ELP4: variants seen among roughly 807,000 people sequenced by gnomAD.
The protein encoded by ELP4 is elongator acetyltransferase complex subunit 4.
In ELP4, 51 loss-of-function variants were observed where a neutral mutation model predicts 48.9. The ratio of observed to expected loss-of-function variants is 1.04; its 90% confidence interval spans 0.83 to 1.32. The LOEUF is 1.32. Among genes scored for constraint, ELP4 ranks in the 40% most tolerant of loss-of-function variants. The pLI, the probability that ELP4 is intolerant of heterozygous loss-of-function variation, is 0.00. For missense variants in ELP4, 519 were observed against 514.6 expected, an observed-to-expected ratio of 1.01 and a Z score of -0.08; for synonymous variants, 210 against 189.2, an observed-to-expected ratio of 1.11 and a Z score of -0.90.
At chr11:31,647,637 C>G (rs1945230222) in intron 7 of ELP4, 104 bp from the exon 8 acceptor site, 2 of 691,880 alleles carry the variant, frequency 2.9e-6, no homozygotes, top group South Asian at 3.7e-5. Context: ...TGTTGATAGT[C>G]TATCTCCACT....
At position 31,787,017 on chromosome 11, in the gene ELP4, C is replaced by T. The variant is rs372093736; in HGVS notation, c.*3493C>T. 4 of 174,960 alleles carry T rather than the reference C, an allele frequency of 2.3e-5. No individual in the cohort carries two copies. The highest frequency in any genetic ancestry group is 4.2e-5 in the Non-Finnish European group (4 of 95,482). The allele number at this position is 174,960 out of a possible 1,614,324, so 10.8% of individuals were successfully genotyped here. ...TTGATAAATATATAAATATATGTAT[C>T]GTTAAATAAATAATAAACAAAAATT... On this transcript the variant is annotated 3_prime_UTR_variant, in exon 10 of 10. Transcript: ENST00000640961.
At chr11:31,589,783 A>G (rs1359605503) in intron 3 of ELP4, among the ~76,000 whole-genome samples, 1 of 152,214 alleles carries the variant, frequency 6.6e-6, no homozygotes, top group Non-Finnish European at 1.5e-5. Flanking sequence ...GTTTATTAAA[A>G]TGGAGTCTTT....
chr11:31,735,737 A>G (rs939638253), intron 9 of ELP4, among the ~76,000 whole-genome samples: 10 of 152,210 alleles, frequency 6.6e-5, no homozygotes, highest in Non-Finnish European at 1.2e-4. Flanking sequence ...TGCTTCAAAG[A>G]GAATAAAATA....
chr11:31,622,033 G>A (rs1436412225), intron 5 of ELP4, among the ~76,000 whole-genome samples: 2 of 151,718 alleles, frequency 1.3e-5, no homozygotes, highest in African/African-American at 4.8e-5. Context: ...AACCTCACAA[G>A]GTTATTCTAT....
intron 9 of ELP4, among the ~76,000 whole-genome samples, chr11:31,657,285 T>G (rs567104295): frequency 6.6e-6 from 1 of 152,192 alleles, no homozygotes; most frequent in Admixed American, 6.6e-5. Flanking sequence ...GGATTGTAAA[T>G]TAACTACCTC....
chr11:31,710,089 T>C (rs992462092), intron 9 of ELP4, among the ~76,000 whole-genome samples: 2 of 152,308 alleles, frequency 1.3e-5, no homozygotes, highest in East Asian at 1.9e-4. Context: ...ATTTCTCTTA[T>C]TCATTCTTTG....
intron 3 of ELP4, among the ~76,000 whole-genome samples, chr11:31,593,432 T>A (rs1957622359): frequency 6.6e-6 from 1 of 152,052 alleles, no homozygotes; most frequent in Non-Finnish European, 1.5e-5. Flanking sequence ...TTTGTAGAGA[T>A]GGAGTTTTGT....
chr11:31,622,399 A>G (rs1944642919), intron 5 of ELP4, among the ~76,000 whole-genome samples: 1 of 151,506 alleles, frequency 6.6e-6, no homozygotes, highest in African/African-American at 2.4e-5. Flanking sequence ...AAAGATTTTT[A>G]AGTGTTTCTT....
At chr11:31,613,630 T>C (rs750262621) in intron 5 of ELP4, among the ~76,000 whole-genome samples, 1 of 152,022 alleles carries the variant, frequency 6.6e-6, no homozygotes, top group African/African-American at 2.4e-5. Flanking sequence ...AATATTTGCC[T>C]CTGGGTGGTG....
intron 9 of ELP4, among the ~76,000 whole-genome samples, chr11:31,692,187 G>A (rs1946295615): frequency 6.6e-6 from 1 of 152,144 alleles, no homozygotes; most frequent in African/African-American, 2.4e-5. Context: ...ATCCAGGGCT[G>A]TCAAGTAGCA....
At chr11:31,705,797 T>C (rs1353090144) in intron 9 of ELP4, among the ~76,000 whole-genome samples, 2 of 152,188 alleles carry the variant, frequency 1.3e-5, no homozygotes, top group African/African-American at 2.4e-5. Flanking sequence ...TTCTACATGG[T>C]AAATTTTCAG....
chr11:31,539,236 G>A (rs1457873993), intron 2 of ELP4, among the ~76,000 whole-genome samples: 2 of 152,114 alleles, frequency 1.3e-5, no homozygotes, highest in Non-Finnish European at 2.9e-5. Flanking sequence ...AGGCCAAGGC[G>A]GGCAGATCAC....
chr11:31,590,844 T>G (rs895019560), intron 3 of ELP4, among the ~76,000 whole-genome samples: 1 of 152,140 alleles, frequency 6.6e-6, no homozygotes, highest in Admixed American at 6.5e-5. Flanking sequence ...TGTTAAACCA[T>G]TCATGAGCAA....
chr11:31,624,830 A>G (rs1419609908), intron 5 of ELP4, among the ~76,000 whole-genome samples: 1 of 151,684 alleles, frequency 6.6e-6, no homozygotes, highest in East Asian at 1.9e-4. Context: ...ACTAAGACAC[A>G]AGCACACACA....
chr11:31,790,281 G>C lies in ELP4; in HGVS notation c.*6757G>C. The C allele has an allele frequency of 1.8e-6, 1 of 555,066 alleles. No individual in the cohort carries two copies. Among genetic ancestry groups the C allele is most frequent in the Non-Finnish European group, 2.8e-6 (1 of 350,942 alleles). 34.4% of individuals were successfully genotyped at this position (555,066 alleles called of 1,614,324 possible). A position where few individuals can be genotyped will look rare whatever the true frequency, so the allele number is the denominator to read the frequency against. ...AAAAGAAAAAAAAAATCCTCTGTTTGTTTGCATGTTTGGAACTTTTACAAT... is the reference window on the plus strand; with the variant it reads ...AAAAGAAAAAAAAAATCCTCTGTTTCTTTGCATGTTTGGAACTTTTACAAT... On this transcript the variant is annotated 3_prime_UTR_variant, in exon 10 of 10. Transcript: ENST00000640961.
intron 1 of ELP4, among the ~76,000 whole-genome samples, chr11:31,517,210 GTC>G (rs1452585362): frequency 2.0e-5 from 3 of 151,264 alleles, no homozygotes; most frequent in Admixed American, 6.6e-5. Flanking sequence ...TTGAGACAGA[GTC>G]TTGCTATGTG....
chr11:31,731,834 A>G (rs1947195520), intron 9 of ELP4, among the ~76,000 whole-genome samples: 1 of 152,208 alleles, frequency 6.6e-6, no homozygotes, highest in East Asian at 1.9e-4. Flanking sequence ...CAAACAAGGG[A>G]AACTTCATAA....
chr11:31,639,827 A>G (rs1945053968), intron 7 of ELP4, among the ~76,000 whole-genome samples: 1 of 152,006 alleles, frequency 6.6e-6, no homozygotes, highest in Non-Finnish European at 1.5e-5. Context: ...TTTGGTTTAA[A>G]ATATTTTTCC....
At chr11:31,628,676 G>T (rs1389658530) in intron 6 of ELP4, among the ~76,000 whole-genome samples, 2 of 151,884 alleles carry the variant, frequency 1.3e-5, no homozygotes, top group East Asian at 3.9e-4. Context: ...ATTAAACAGG[G>T]TTCAGGTAGA....
Sources: gnomAD v4.1 joint callset for allele counts (sites outside exome capture counted in the v4.1 genomes callset) on GRCh38, gnomAD v4.1.1 for gene constraint, MANE v1.5 for transcripts, NCBI Gene and HGNC (gene_info 2026-07-23, HGNC 2026-07-21) for gene names.